The following RAB11FIP3 variants were observed in gnomAD, a reference collection of about 807,000 sequenced individuals.
The protein encoded by RAB11FIP3 is rab11 family-interacting protein 3.
RAB11FIP3 carries 17 observed loss-of-function variants against 77.8 expected under a neutral mutation model. The ratio of observed to expected loss-of-function variants is 0.22; its 90% CI spans 0.15 to 0.33. RAB11FIP3 has a LOEUF of 0.33. Among genes scored for constraint, RAB11FIP3 ranks in the 10% least tolerant of loss-of-function variants. RAB11FIP3 has a pLI of 1.00. For synonymous variants in RAB11FIP3, 437 were observed against 448.2 expected (o/e 0.98, Z 0.31); for missense variants, 1,005 against 1,011.2 (o/e 0.99, Z 0.08).
chr16:461,880 A>G lies in RAB11FIP3; in HGVS notation c.808+383A>G, dbSNP rs1374254528. Among the ~76,000 whole-genome samples, 1 of 152,110 alleles carries G rather than the reference A, an allele frequency of 6.6e-6. No individual in the cohort carries two copies. Among genetic ancestry groups the G allele is most frequent in the South Asian group, 2.1e-4 (1 of 4,832 alleles). On this transcript the variant is annotated intron_variant, in intron 2 of 13. Transcript: ENST00000262305. The surrounding 1 kb of genome is among the most constrained non-coding windows in gnomAD (Gnocchi z 4.5). Reference sequence around the variant, plus strand: ...GCACTCTCTCCCCACGTCTCTGTCCATCTCCAGTCTGTCCCCCAGCCCCTC... The same window carrying G: ...GCACTCTCTCCCCACGTCTCTGTCCGTCTCCAGTCTGTCCCCCAGCCCCTC...
intron 2 of RAB11FIP3, among the ~76,000 whole-genome samples, chr16:466,991 A>G (rs948507300): frequency 6.6e-6 from 1 of 152,264 alleles, no homozygotes. Context: ...TGTGAGGACC[A>G]TGGATGGGGA....
chr16:502,140 C>T (rs758481439), intron 6 of RAB11FIP3, among the ~76,000 whole-genome samples: 2 of 152,278 alleles, frequency 1.3e-5, no homozygotes, highest in African/African-American at 4.8e-5. Flanking sequence ...TTGCTGTTGG[C>T]TCTTCTGTGC....
intron 2 of RAB11FIP3, among the ~76,000 whole-genome samples, chr16:466,031 C>A (rs1315582029): frequency 9.8e-5 from 15 of 152,304 alleles, no homozygotes; most frequent in Admixed American, 9.8e-4. Flanking sequence ...ATAAATGTTA[C>A]AACCCATTTC....
intron 4 of RAB11FIP3, among the ~76,000 whole-genome samples, chr16:488,285 CAGG>C (rs978332158): frequency 6.6e-6 from 1 of 151,962 alleles, no homozygotes; most frequent in Non-Finnish European, 1.5e-5. Flanking sequence ...GAGGTGGAGG[CAGG>C]AGAATGACGT....
At chr16:513,522 C>G (rs2032276979) in intron 9 of RAB11FIP3, among the ~76,000 whole-genome samples, 1 of 152,162 alleles carries the variant, frequency 6.6e-6, no homozygotes. Flanking sequence ...TGTTTTTCCT[C>G]TCCATACTCT....
In RAB11FIP3 at chr16:426,051, G is replaced by C; in HGVS notation, c.45G>C (p.Pro15=). ...CCTCGCCCCCGGGCTCGGAGCCGCC[G>C]GGGCCCGACCCGGAGCCGGGCGGGC... ...PPASPPGSEP[P]GPDPEPGGPD... Residue 15 remains proline, a synonymous_variant, in exon 1 of 14, where the codon CCG becomes CCC. Coordinates refer to ENST00000262305, the MANE Select transcript of RAB11FIP3 (RefSeq NM_014700.4). This position sits in a 1 kb window ranked among gnomAD's most constrained non-coding sequence, Gnocchi z 5.0. The C allele has an allele frequency of 2.0e-6, 2 of 997,790 alleles. No individual in the cohort carries two copies. Among genetic ancestry groups the C allele is most frequent in the South Asian group, 4.5e-5 (1 of 22,216 alleles). The allele number at this position is 997,790 out of a possible 1,614,324, so 61.8% of individuals were successfully genotyped here.
Position 506,644 on chromosome 16 carries a change from A to G in RAB11FIP3, c.1499+1017A>G, listed in dbSNP as rs772213428. Among the ~76,000 whole-genome samples the G allele has an allele frequency of 1.3e-5, 2 of 152,192 alleles. No homozygotes were observed. Among genetic ancestry groups the G allele is most frequent in the Non-Finnish European group, 2.9e-5 (2 of 68,030 alleles). ...CCCAAGCCCTCACCCTCACGGTACTAACATTTGTGACCATCTGCCCTGTGA... is the reference window on the plus strand; with the variant it reads ...CCCAAGCCCTCACCCTCACGGTACTGACATTTGTGACCATCTGCCCTGTGA... On this transcript the variant is annotated intron_variant, in intron 8 of 13. Coordinates refer to ENST00000262305, the MANE Select transcript of RAB11FIP3 (RefSeq NM_014700.4). The surrounding 1 kb of genome is among the most constrained non-coding windows in gnomAD (Gnocchi z 4.5).
intron 1 of RAB11FIP3, among the ~76,000 whole-genome samples, chr16:450,806 C>T (rs939388515): frequency 6.6e-6 from 1 of 151,914 alleles, no homozygotes; most frequent in Admixed American, 6.6e-5. Flanking sequence ...TTCATTAGCC[C>T]CAGGGAGAGA....
intron 1 of RAB11FIP3, among the ~76,000 whole-genome samples, chr16:451,181 G>A (rs980577836): frequency 2.6e-5 from 4 of 152,022 alleles, no homozygotes; most frequent in Admixed American, 6.6e-5. Context: ...GGGTGATTTT[G>A]TGGTATGTGA....
chr16:509,311 C>T (rs1053043658), intron 8 of RAB11FIP3, among the ~76,000 whole-genome samples: 6 of 152,272 alleles, frequency 3.9e-5, no homozygotes, highest in Non-Finnish European at 2.9e-5. Flanking sequence ...GCTCTCTGCT[C>T]GCGGAGGCCG....
rs745932166 is a variant in RAB11FIP3, at chr16:488,880, C to A, written c.1145C>A (p.Thr382Lys). Residue 382 changes from threonine (T) to lysine (K), a missense_variant, in exon 5 of 14, where the codon ACG becomes AAG. Coordinates refer to ENST00000262305, the MANE Select transcript of RAB11FIP3 (RefSeq NM_014700.4). ...CACCCCCATGGCCAGTCTGTCATCA[C>A]GGTGATCGGGGGCGAGGAGCACTTT... ...RPHPHGQSVI[T>K]VIGGEEHFED... The A allele has an allele frequency of 1.2e-6, 2 of 1,614,062 alleles. No homozygotes were observed. The highest frequency in any genetic ancestry group is 4.5e-5 in the East Asian group (2 of 44,874).
chr16:472,684 C>A lies in RAB11FIP3; in HGVS notation c.903+1295C>A, dbSNP rs557377370. 2.0e-5 allele frequency among the ~76,000 whole-genome samples: 3 copies of A among 152,286 alleles called. No individual in the cohort carries two copies. The highest frequency in any genetic ancestry group is 7.2e-5 in the African/African-American group (3 of 41,564). On this transcript the variant is annotated intron_variant, in intron 3 of 13. Coordinates refer to ENST00000262305, the MANE Select transcript of RAB11FIP3 (RefSeq NM_014700.4). This position sits in a 1 kb window ranked among gnomAD's most constrained non-coding sequence, Gnocchi z 4.1. ...TCTCACGTGTATCCGTCTTTTTGTT[C>A]CCCTCTCATGTTTGTTAGGGCATTG... is the stretch of plus-strand genomic sequence containing the variant.
intron 5 of RAB11FIP3, among the ~76,000 whole-genome samples, chr16:496,356 C>G (rs986363485): frequency 1.3e-5 from 2 of 152,248 alleles, no homozygotes; most frequent in Non-Finnish European, 2.9e-5. Context: ...GGAAAGGTTT[C>G]CAAACTGATG....
At chr16:460,034 C>G (rs779525180) in intron 1 of RAB11FIP3, among the ~76,000 whole-genome samples, 2 of 152,000 alleles carry the variant, frequency 1.3e-5, no homozygotes, top group Non-Finnish European at 1.5e-5. Flanking sequence ...TGCGCCACCA[C>G]GCCTGGCTGA....
rs1161608257 is a variant in RAB11FIP3 at position 518,936 on chromosome 16, G to C, written c.1641-7G>C. 6.2e-7 allele frequency: 1 copy of C among 1,613,416 alleles called. No individual in the cohort carries two copies. The highest frequency in any genetic ancestry group is 8.5e-7 in the Non-Finnish European group (1 of 1,179,838). On this transcript the variant is annotated splice_region_variant and splice_polypyrimidine_tract_variant and intron_variant, in intron 9 of 13. Coordinates refer to ENST00000262305, the MANE Select transcript of RAB11FIP3 (RefSeq NM_014700.4). ...GAGTGAGTTTCAGCTTTGTTCTTGT[G>C]TCCCAGGCTACAGCAACTGGACGAG... is the stretch of plus-strand genomic sequence containing the variant.
chr16:461,006 G>A lies in RAB11FIP3; in HGVS notation c.715-398G>A, dbSNP rs1156826728. Among the ~76,000 whole-genome samples, 7 of 150,498 alleles carry A rather than the reference G, an allele frequency of 4.7e-5. No homozygotes were observed. The highest frequency in any genetic ancestry group is 7.4e-5 in the Non-Finnish European group (5 of 68,024). ...TGCATGTGGTGAAAAAGCCAAGCTC[G>A]CGATACAGCCTAATCCCGATTCCCT... On this transcript the variant is annotated intron_variant, in intron 1 of 13. Coordinates refer to ENST00000262305, the MANE Select transcript of RAB11FIP3 (RefSeq NM_014700.4). The surrounding 1 kb of genome is among the most constrained non-coding windows in gnomAD (Gnocchi z 4.5).
At chr16:436,080 G>A (rs988167682) in intron 1 of RAB11FIP3, among the ~76,000 whole-genome samples, 5 of 152,102 alleles carry the variant, frequency 3.3e-5, no homozygotes, top group African/African-American at 9.7e-5. Context: ...GGAGGCCGAC[G>A]CCGGCGACTC....
At chr16:464,901 C>CA (rs1315651298) in intron 2 of RAB11FIP3, among the ~76,000 whole-genome samples, 4 of 152,036 alleles carry the variant, frequency 2.6e-5, no homozygotes, top group African/African-American at 9.6e-5. Context: ...ACAAACAAAA[C>CA]AAAAAAAACT....
chr16:453,478 T>A (rs1470825204), intron 1 of RAB11FIP3: 1 of 152,188 alleles, frequency 6.6e-6, no homozygotes, highest in Non-Finnish European at 1.5e-5. Flanking sequence ...AGCACAGTGC[T>A]TTTATTCTAG....
Sources: gnomAD v4.1 joint callset for allele counts (sites outside exome capture counted in the v4.1 genomes callset) on GRCh38, gnomAD v4.1.1 for gene constraint, Gnocchi (gnomAD v3.1) non-coding constraint, MANE v1.5 for transcripts, NCBI Gene and HGNC (gene_info 2026-07-23, HGNC 2026-07-21) for gene names.